Variants in ANTXR1 observed in about 807,000 individuals in gnomAD.
The protein encoded by ANTXR1 is ANTXR cell adhesion molecule 1.
In ANTXR1, 19 loss-of-function variants were observed where a neutral mutation model predicts 78.1. The ratio of observed to expected loss-of-function variants is 0.24; its 90% CI spans 0.17 to 0.36. The LOEUF (loss-of-function observed/expected upper bound fraction) is 0.36, where lower values mean the gene tolerates loss of function less well. Among genes scored for constraint, ANTXR1 ranks in the 10% least tolerant of loss-of-function variants. The probability of loss-of-function intolerance (pLI) is 1.00; values close to 1 mark genes in which losing one functional copy is unlikely to be tolerated. For missense variants in ANTXR1, 518 were observed against 718.6 expected (o/e 0.72, Z 3.19); for synonymous variants, 273 against 260.5 (o/e 1.05, Z -0.46).
At chr2:69,243,162 T>G (rs1205966151) in intron 17 of ANTXR1, among the ~76,000 whole-genome samples, 1 of 152,234 alleles carries the variant, frequency 6.6e-6, no homozygotes, top group African/African-American at 2.4e-5. Context: ...CTCTGACTAA[T>G]GCTATGTCCT....
chr2:69,096,282 A>AAGGAAGGAAGGAAGGGAGGAAGGG (rs1553362854), intron 9 of ANTXR1, among the ~76,000 whole-genome samples: 10 of 34,606 alleles, frequency 2.9e-4, no homozygotes, highest in African/African-American at 3.8e-4. Flanking sequence ...GGAAGGAAGG[A>AAGGAAGGAAGGAAGGGAGGAAGGG]AGGAAGGGAG....
chr2:69,231,641 A>C (rs561462443), intron 17 of ANTXR1, among the ~76,000 whole-genome samples: 1 of 152,166 alleles, frequency 6.6e-6, no homozygotes, highest in Non-Finnish European at 1.5e-5. Context: ...AGAGTCTCTC[A>C]TGAAGCTGCA....
chr2:69,159,898 A>G (rs910250121), intron 13 of ANTXR1, among the ~76,000 whole-genome samples: 2 of 152,268 alleles, frequency 1.3e-5, no homozygotes, highest in Non-Finnish European at 2.9e-5. Flanking sequence ...AAAACTTGAT[A>G]TACCTTAAGT....
intron 8 of ANTXR1, among the ~76,000 whole-genome samples, chr2:69,083,872 G>T (rs1412709340): frequency 6.6e-6 from 1 of 152,152 alleles, no homozygotes. Flanking sequence ...TCTGTAGTGG[G>T]CAGAGAATCT....
intron 11 of ANTXR1, among the ~76,000 whole-genome samples, chr2:69,123,947 A>G (rs1057340357): frequency 1.8e-4 from 28 of 152,232 alleles, no homozygotes; most frequent in African/African-American, 6.5e-4. Flanking sequence ...TGAAACCTCC[A>G]ACTCTGGTTG....
At chr2:69,151,817 A>G (rs922352244) in intron 12 of ANTXR1, among the ~76,000 whole-genome samples, 2 of 152,228 alleles carry the variant, frequency 1.3e-5, no homozygotes, top group African/African-American at 4.8e-5. Context: ...CATCAGACCC[A>G]GTGAGGAGGC....
At chr2:69,230,885 A>G (rs1310459514) in intron 17 of ANTXR1, among the ~76,000 whole-genome samples, 1 of 152,182 alleles carries the variant, frequency 6.6e-6, no homozygotes, top group African/African-American at 2.4e-5. Flanking sequence ...GGCTTGTTGT[A>G]CAGATTATTT....
intron 17 of ANTXR1, among the ~76,000 whole-genome samples, chr2:69,196,781 G>A (rs1361865675): frequency 3.3e-5 from 5 of 152,088 alleles, no homozygotes; most frequent in Admixed American, 2.0e-4. Context: ...TTGCATTCTC[G>A]GTTACATTCT....
Position 69,235,645 on chromosome 2 carries a change from C to T in ANTXR1, c.1435-9580C>T, listed in dbSNP as rs528183897. 1.5e-4 allele frequency among the ~76,000 whole-genome samples: 21 copies of T among 137,950 alleles called. No homozygotes were observed. The South Asian group carries it at 3.5e-3, about 23-fold the overall frequency. The allele number at this position is 137,950 out of a possible 152,430, so 90.5% of individuals were successfully genotyped here. On this transcript the variant is annotated intron_variant, in intron 17 of 17. Coordinates refer to ENST00000303714, the MANE Select transcript of ANTXR1 (RefSeq NM_032208.3). Reference sequence around the variant, plus strand: ...CCAACCTGGGTCACAGAGTGAAACCCCGTCTCAAAAAAAAAAAAAAAAAAA... The same window carrying T: ...CCAACCTGGGTCACAGAGTGAAACCTCGTCTCAAAAAAAAAAAAAAAAAAA...
chr2:69,162,951 C>A (rs1320543109), intron 13 of ANTXR1, among the ~76,000 whole-genome samples: 1 of 151,924 alleles, frequency 6.6e-6, no homozygotes, highest in Non-Finnish European at 1.5e-5. Flanking sequence ...GCGGTTTTTG[C>A]CATTGAAAGG....
At chr2:69,200,747 C>CATGT (rs577338101) in intron 17 of ANTXR1, among the ~76,000 whole-genome samples, 75 of 152,078 alleles carry the variant, frequency 4.9e-4, no homozygotes, top group East Asian at 2.7e-3. Flanking sequence ...TCCAGGAGTT[C>CATGT]ATGTATGTAT....
At chr2:69,144,672 G>A (rs1288880023) in intron 12 of ANTXR1, among the ~76,000 whole-genome samples, 1 of 152,192 alleles carries the variant, frequency 6.6e-6, no homozygotes, top group Admixed American at 6.5e-5. Context: ...TCTCTTCATT[G>A]TGGCAGAATC....
chr2:69,026,587 T>C (rs903896834), intron 1 of ANTXR1, among the ~76,000 whole-genome samples: 49 of 152,208 alleles, frequency 3.2e-4, no homozygotes, highest in African/African-American at 1.2e-3. Flanking sequence ...CTGATCAATA[T>C]GTGCATACTA....
chr2:69,158,052 C>T lies in ANTXR1; in HGVS notation c.1047+5788C>T, dbSNP rs1464865671. 5.3e-5 allele frequency among the ~76,000 whole-genome samples: 8 copies of T among 152,308 alleles called. No individual in the cohort carries two copies. The East Asian group carries it at 1.5e-3, about 29-fold the overall frequency. On this transcript the variant is annotated intron_variant, in intron 13 of 17. Coordinates refer to ENST00000303714, the MANE Select transcript of ANTXR1 (RefSeq NM_032208.3). ...GCACCTGTGCCTGCTTCTTTCATAG[C>T]ACTGATCATGCTGTGAAAATTGCCT...
At chr2:69,120,890 A>G (rs923695640) in intron 10 of ANTXR1, among the ~76,000 whole-genome samples, 5 of 152,190 alleles carry the variant, frequency 3.3e-5, no homozygotes, top group Admixed American at 1.3e-4. Context: ...GGCCGTGGTC[A>G]TCTGGCCCTG....
intron 3 of ANTXR1, among the ~76,000 whole-genome samples, chr2:69,053,191 G>T (rs1041677189): frequency 6.6e-6 from 1 of 152,120 alleles, no homozygotes; most frequent in African/African-American, 2.4e-5. Flanking sequence ...AACCACATGG[G>T]CTTTTCAGTA....
chr2:69,013,678 C>A lies in ANTXR1; in HGVS notation c.152+27C>A, dbSNP rs1333644182. On this transcript the variant is annotated intron_variant, in intron 1 of 17. Transcript: ENST00000303714. The surrounding 1 kb of genome is among the most constrained non-coding windows in gnomAD (Gnocchi z 5.0). ...TAAGTGCCGCGAGTTGTCCCCCCCA[C>A]CCCAGGCTAAGCGGGCGAAAACGCT... 1 of 1,551,472 alleles carries A rather than the reference C, an allele frequency of 6.4e-7. No individual in the cohort carries two copies. The highest frequency in any genetic ancestry group is 2.0e-5 in the Admixed American group (1 of 51,014).
At chr2:69,205,870 C>T (rs967514121) in intron 17 of ANTXR1, among the ~76,000 whole-genome samples, 2 of 152,142 alleles carry the variant, frequency 1.3e-5, no homozygotes, top group Non-Finnish European at 2.9e-5. Context: ...AATTGCTATT[C>T]ATACTTTGTC....
intron 9 of ANTXR1, among the ~76,000 whole-genome samples, chr2:69,102,401 T>C (rs1298846551): frequency 6.6e-6 from 1 of 152,210 alleles, no homozygotes; most frequent in African/African-American, 2.4e-5. Flanking sequence ...TCTTAAGAAA[T>C]CCTTTCAGGG....
Sources: allele counts gnomAD v4.1 joint callset (sites outside exome capture counted in the v4.1 genomes callset), GRCh38; gene constraint gnomAD v4.1.1; non-coding constraint Gnocchi (gnomAD v3.1); transcripts MANE v1.5; gene names NCBI Gene and HGNC (gene_info 2026-07-23, HGNC 2026-07-21).